The following DSCAM variants were observed in gnomAD, a reference collection of about 807,000 sequenced individuals.
DSCAM encodes the protein cell adhesion molecule DSCAM.
Under a neutral mutation model 217.7 loss-of-function variants are expected in DSCAM, and 47 were observed. The observed-to-expected ratio is 0.22, with a 90% CI of 0.17 to 0.28. The LOEUF (loss-of-function observed/expected upper bound fraction) is 0.28. Among genes scored for constraint, DSCAM ranks in the 10% least tolerant of loss-of-function variants. The pLI is 1.00. For synonymous variants in DSCAM, 1,056 were observed against 1,015.3 expected (o/e 1.04, Z -0.76); for missense variants, 2,080 against 2,618.3 (o/e 0.79, Z 4.49).
rs1569092724 is a variant in DSCAM at position 40,376,474 on chromosome 21, CTATATATCTTATATA to C, written c.509-7244_509-7230del. ...ATATCTATATATCTTATATAGATAT[CTATATATCTTATATA>C]GATATCTATATATCTTATATCGATA... On this transcript the variant is annotated intron_variant, in intron 3 of 32. Transcript: ENST00000400454. 1.9e-3 allele frequency among the ~76,000 whole-genome samples: 236 copies of C among 125,882 alleles called. 10 individuals are homozygous for C. Among genetic ancestry groups the C allele is most frequent in the Admixed American group, 5.3e-3 (60 of 11,348 alleles). The allele number at this position is 125,882 out of a possible 152,430, so 82.6% of individuals were successfully genotyped here.
intron 3 of DSCAM, among the ~76,000 whole-genome samples, chr21:40,374,022 C>G (rs964051471): frequency 6.7e-6 from 1 of 150,120 alleles, no homozygotes; most frequent in African/African-American, 2.5e-5. Context: ...ATAATGTATT[C>G]TATATTTCAA....
intron 3 of DSCAM, among the ~76,000 whole-genome samples, chr21:40,486,733 C>T (rs568621740): frequency 6.6e-6 from 1 of 152,276 alleles, no homozygotes; most frequent in East Asian, 1.9e-4. Context: ...TTTGAAGAAC[C>T]TATGCAATAT....
At chr21:40,767,733 T>G (rs558873036) in intron 1 of DSCAM, among the ~76,000 whole-genome samples, 2 of 152,352 alleles carry the variant, frequency 1.3e-5, no homozygotes. Flanking sequence ...CATTTGGTCC[T>G]GAGCATCACA....
At chr21:40,244,905 C>T in intron 11 of DSCAM, among the ~76,000 whole-genome samples, 1 of 151,574 alleles carries the variant, frequency 6.6e-6, no homozygotes, top group East Asian at 2.0e-4. Flanking sequence ...TGGCAATTAG[C>T]TAATGAGACA....
chr21:40,790,363 G>C (rs1320099365), intron 1 of DSCAM, among the ~76,000 whole-genome samples: 1 of 151,984 alleles, frequency 6.6e-6, no homozygotes, highest in African/African-American at 2.4e-5. Context: ...TGTATTTTTA[G>C]TAGAGACGGG....
chr21:40,263,482 A>C (rs73369818), intron 11 of DSCAM, among the ~76,000 whole-genome samples: 6,657 of 152,282 alleles, frequency 0.044, 515 homozygotes, highest in African/African-American at 0.15. Context: ...CATCAAATCA[A>C]GATGGAAATT....
intron 3 of DSCAM, among the ~76,000 whole-genome samples, chr21:40,661,497 A>G (rs1249138845): frequency 1.3e-5 from 2 of 152,234 alleles, no homozygotes; most frequent in Non-Finnish European, 2.9e-5. Flanking sequence ...AGGCACAAGA[A>G]TGACAGTGAG....
chr21:40,489,735 A>G (rs1043871109), intron 3 of DSCAM, among the ~76,000 whole-genome samples: 2 of 126,620 alleles, frequency 1.6e-5, no homozygotes, highest in African/African-American at 6.0e-5. Flanking sequence ...AGATCCCGCC[A>G]CTGCACTCCA....
rs1009230038 is a variant in DSCAM at position 40,012,406 on chromosome 21, A to C, written c.*628T>G. On this transcript the variant is annotated 3_prime_UTR_variant, in exon 33 of 33. Coordinates refer to ENST00000400454, the MANE Select transcript of DSCAM (RefSeq NM_001389.5). ...CTGGCAGAAGACGAGAGAAGCAGAC[A>C]TGGAAATAAAGGCAGACAACCTTTT... 2 of 152,276 alleles carry C rather than the reference A, an allele frequency of 1.3e-5. No homozygotes were observed. The highest frequency in any genetic ancestry group is 3.9e-4 in the East Asian group (2 of 5,184). The allele number at this position is 152,276 out of a possible 1,614,324, so 9.4% of individuals were successfully genotyped here. A position where few individuals can be genotyped will look rare whatever the true frequency, so the allele number is the denominator to read the frequency against.
chr21:40,269,798 A>G (rs917016788), intron 11 of DSCAM, among the ~76,000 whole-genome samples: 5 of 152,148 alleles, frequency 3.3e-5, no homozygotes, highest in Admixed American at 6.5e-5. Context: ...CACCAGTCAT[A>G]TTGGATTAGG....
At chr21:40,634,431 C>T (rs747332050) in intron 3 of DSCAM, among the ~76,000 whole-genome samples, 3 of 152,206 alleles carry the variant, frequency 2.0e-5, no homozygotes, top group Non-Finnish European at 2.9e-5. Context: ...TGGTACTACA[C>T]TCCCACTTGT....
intron 1 of DSCAM, among the ~76,000 whole-genome samples, chr21:40,783,534 G>T (rs1392205084): frequency 6.6e-6 from 1 of 152,174 alleles, no homozygotes. Context: ...TTGGAGAAAA[G>T]CCATTCTTTA....
chr21:40,087,391 A>C (rs2089547221), intron 21 of DSCAM, 104 bp from the exon 22 acceptor site: 1 of 815,070 alleles, frequency 1.2e-6, no homozygotes, highest in African/African-American at 1.7e-5. Flanking sequence ...ATGGATGTGA[A>C]GCCAATTCAC....
chr21:40,621,078 A>G lies in DSCAM; in HGVS notation c.508+71732T>C, dbSNP rs573133190. Reference sequence around the variant, plus strand: ...CAGTGGTTACTAAAGTTGGGAGACCAGGGATAAAAATGACAAAAAAGGGGC... The same window carrying G: ...CAGTGGTTACTAAAGTTGGGAGACCGGGGATAAAAATGACAAAAAAGGGGC... On this transcript the variant is annotated intron_variant, in intron 3 of 32. Transcript: ENST00000400454. 2.3e-4 allele frequency among the ~76,000 whole-genome samples: 35 copies of G among 152,358 alleles called. No individual in the cohort carries two copies. The South Asian group carries it at 6.6e-3, about 29-fold the overall frequency.
chr21:40,146,325 T>C (rs1487714668), intron 16 of DSCAM, among the ~76,000 whole-genome samples: 1 of 151,832 alleles, frequency 6.6e-6, no homozygotes, highest in Non-Finnish European at 1.5e-5. Context: ...GAGTGGAGCC[T>C]GCAAAGGGTG....
In DSCAM at chr21:40,623,041, C is replaced by T. The variant is rs1448137326; in HGVS notation, c.508+69769G>A. 2.6e-5 allele frequency among the ~76,000 whole-genome samples: 4 copies of T among 152,172 alleles called. No individual in the cohort carries two copies. In the East Asian group the frequency reaches 7.7e-4, roughly 29 times the overall value. On this transcript the variant is annotated intron_variant, in intron 3 of 32. Coordinates refer to ENST00000400454, the MANE Select transcript of DSCAM (RefSeq NM_001389.5). ...TTGTCAACACTTTCCTGGAAGCTGC[C>T]GCTACCCACAAATTGAGCCAATTAA...
intron 3 of DSCAM, among the ~76,000 whole-genome samples, chr21:40,462,613 G>A (rs2075815002): frequency 6.6e-6 from 1 of 152,168 alleles, no homozygotes; most frequent in African/African-American, 2.4e-5. Flanking sequence ...CCATATGCAT[G>A]ACAGTTTGAA....
chr21:40,510,152 C>G (rs773191406), intron 3 of DSCAM, among the ~76,000 whole-genome samples: 5 of 151,934 alleles, frequency 3.3e-5, no homozygotes, highest in Admixed American at 2.6e-4. Context: ...ATTGTCCCCC[C>G]CCAAAGCACT....
intron 9 of DSCAM, among the ~76,000 whole-genome samples, chr21:40,303,159 G>A (rs1198896613): frequency 6.6e-6 from 1 of 152,152 alleles, no homozygotes; most frequent in Non-Finnish European, 1.5e-5. Context: ...GTCTAGGTAA[G>A]ATTTAATTTA....
Sources: gnomAD v4.1 joint callset for allele counts (sites outside exome capture counted in the v4.1 genomes callset) on GRCh38, gnomAD v4.1.1 for gene constraint, MANE v1.5 for transcripts, NCBI Gene and HGNC (gene_info 2026-07-23, HGNC 2026-07-21) for gene names.